CHAT: variants seen among roughly 807,000 people sequenced by gnomAD.
CHAT encodes acetyl CoA:choline O-acetyltransferase.
A neutral mutation model predicts 76.9 loss-of-function variants in CHAT; 61 were observed. That is an observed-to-expected ratio of 0.79 (90% CI 0.65 to 0.98). The LOEUF (loss-of-function observed/expected upper bound fraction) is 0.98, where lower values mean the gene tolerates loss of function less well. Ranked by LOEUF, CHAT falls within the 50% of genes least tolerant of loss-of-function variation. The pLI is 0.00. For synonymous variants in CHAT, 407 were observed against 397.4 expected, an observed-to-expected ratio of 1.02 and a Z score of -0.29; for missense variants, 946 against 986.9, an observed-to-expected ratio of 0.96 and a Z score of 0.56.
rs745804589 is a variant in CHAT at position 49,662,735 on chromosome 10, G to C, written c.1930G>C (p.Asp644His). 6.2e-7 allele frequency: 1 copy of C among 1,614,224 alleles called. No homozygotes were observed. Among genetic ancestry groups the C allele is most frequent in the Admixed American group, 1.7e-5 (1 of 60,022 alleles). Reference protein sequence around the residue: ...MCKELPEMFMDETYLMSNRFV... With the variant: ...MCKELPEMFMHETYLMSNRFV... ...CAAGGAGCTGCCCGAGATGTTCATG[G>C]ATGAAACCTACCTGATGAGCAACCG... The change falls in exon 14 of 15, where the codon GAT becomes CAT. Residue 644 changes from aspartate to histidine, a missense_variant. Around this residue, in one of 3 missense-constraint regions of CHAT, gnomAD observed 349 missense variants for 393.9 expected, o/e 0.89. Coordinates refer to ENST00000337653, the MANE Select transcript of CHAT (RefSeq NM_020549.5).
chr10:49,610,240 G>C (rs1359761621), upstream of CHAT: 3 of 152,532 alleles, frequency 2.0e-5, no homozygotes, highest in Non-Finnish European at 2.9e-5. Context: ...GGCACCACTC[G>C]GGGGCTGGGA....
rs1027609864 is a variant in CHAT, at chr10:49,648,425, C to T, written c.1282-82C>T. On this transcript the variant is annotated intron_variant, in intron 8 of 14. Transcript: ENST00000337653. ...CCTGGAGAAGAGGTGCCCTGAGAAG[C>T]CAGGGGCCTAACCTGGGGCCAAGGG... 26 of 1,003,288 alleles carry T rather than the reference C, an allele frequency of 2.6e-5. No homozygotes were observed. In the African/African-American group the frequency reaches 3.6e-4, roughly 14 times the overall value. 62.1% of individuals were successfully genotyped at this position (1,003,288 alleles called of 1,614,324 possible).
At chr10:49,656,092 T>C (rs1043187809) in intron 13 of CHAT, among the ~76,000 whole-genome samples, 20 of 152,204 alleles carry the variant, frequency 1.3e-4, no homozygotes, top group African/African-American at 4.3e-4. Context: ...TGAAGGATCA[T>C]ATAATCTATG....
intron 7 of CHAT, among the ~76,000 whole-genome samples, chr10:49,632,349 G>C (rs971309254): frequency 1.3e-5 from 2 of 152,162 alleles, no homozygotes; most frequent in Non-Finnish European, 2.9e-5. Context: ...GAGCCCCCAG[G>C]GTGGTTGCCT....
intron 7 of CHAT, among the ~76,000 whole-genome samples, 190 bp from the exon 8 acceptor site, chr10:49,646,315 G>A (rs1277568593): frequency 1.3e-5 from 2 of 152,222 alleles, no homozygotes; most frequent in Non-Finnish European, 1.5e-5. Context: ...TAGGACAGAG[G>A]CTCAGGACAC....
chr10:49,627,422 G>A (rs1409160480), intron 6 of CHAT, among the ~76,000 whole-genome samples, 186 bp from the exon 7 acceptor site: 1 of 152,138 alleles, frequency 6.6e-6, no homozygotes, highest in East Asian at 1.9e-4. Context: ...TTTGATTGGG[G>A]GCAGCGTGGA....
chr10:49,610,427 G>A (rs577399567), upstream of CHAT: 1,404 of 322,294 alleles, frequency 4.4e-3, 13 homozygotes, highest in African/African-American at 0.027. Context: ...GGCGGGGGCT[G>A]CTCTGGGCGC....
At chr10:49,664,713 G>T in intron 14 of CHAT, 64 bp from the exon 15 acceptor site, 1 of 1,605,358 alleles carries the variant, frequency 6.2e-7, no homozygotes. Context: ...GAGAAGCCAA[G>T]CCCAGTCGAG....
intron 12 of CHAT, 40 bp downstream of exon 12, chr10:49,655,276 A>G: frequency 6.2e-7 from 1 of 1,614,028 alleles, no homozygotes; most frequent in Non-Finnish European, 8.5e-7. Context: ...GAAACCAGTG[A>G]GGCTGCTGTG....
At chr10:49,652,264 G>A (rs1839904489) in intron 11 of CHAT, among the ~76,000 whole-genome samples, 1 of 150,534 alleles carries the variant, frequency 6.6e-6, no homozygotes, top group Non-Finnish European at 1.5e-5. Context: ...GGAGTGTAGA[G>A]CTGAGAAGAG....
intron 13 of CHAT, among the ~76,000 whole-genome samples, chr10:49,661,728 T>G (rs1345813723): frequency 6.6e-6 from 1 of 151,938 alleles, no homozygotes; most frequent in African/African-American, 2.4e-5. Context: ...CCCCTGAGTC[T>G]CCATCAGCCC....
chr10:49,649,925 C>T (rs1839820528), intron 10 of CHAT, among the ~76,000 whole-genome samples: 3 of 131,214 alleles, frequency 2.3e-5, no homozygotes, highest in Non-Finnish European at 3.2e-5. Context: ...GAGTCAAGGC[C>T]GGGAAATCAT....
chr10:49,611,329 A>T (rs762665405), upstream of CHAT: 1 of 1,603,624 alleles, frequency 6.2e-7, no homozygotes, highest in South Asian at 1.1e-5. Context: ...CACGTCTGGC[A>T]TAGCCATGAT....
In CHAT at chr10:49,614,268, G is replaced by T. The variant is rs1472465387; in HGVS notation, c.79G>T (p.Gly27Ter). The T allele has an allele frequency of 6.5e-7, 1 of 1,548,498 alleles. No homozygotes were observed. Among genetic ancestry groups the T allele is most frequent in the African/African-American group, 1.4e-5 (1 of 72,962 alleles). The change falls in exon 1 of 15, where the codon GGA becomes TGA. Residue 27 changes from glycine to a stop codon, truncating the protein, a stop_gained. Transcript: ENST00000337653. LOFTEE classifies it high-confidence loss of function. ...WKREEGGGTRGRREVRPACFL... is the reference protein window; with the variant it reads ...WKREEGGGTR Reference sequence around the variant, plus strand: ...GAGAGAGGAGGGAGGAGGTACAAGAGGAAGGAGAGAAGTGCGGCCAGCTTG... The same window carrying T: ...GAGAGAGGAGGGAGGAGGTACAAGATGAAGGAGAGAAGTGCGGCCAGCTTG...
intron 5 of CHAT, 80 bp from the exon 6 acceptor site, chr10:49,625,393 A>T: frequency 7.3e-7 from 1 of 1,365,090 alleles, no homozygotes; most frequent in African/African-American, 1.4e-5. Flanking sequence ...TGATCAAGTT[A>T]CAATAAAACC....
upstream of CHAT, chr10:49,611,552 G>C (rs1403471491): frequency 1.9e-6 from 3 of 1,604,522 alleles, no homozygotes; most frequent in South Asian, 1.1e-5. Flanking sequence ...GCGGCTGCAC[G>C]GGCTCGGGCC....
chr10:49,648,141 C>G (rs1231595662), intron 8 of CHAT: 1 of 349,428 alleles, frequency 2.9e-6, no homozygotes, highest in Non-Finnish European at 5.4e-6. Flanking sequence ...TGGGAGGAGA[C>G]CCCGATGTGA....
rs121912816 is a variant in CHAT at position 49,648,546 on chromosome 10, G to A, written c.1321G>A (p.Glu441Lys). Residue 441 changes from glutamate to lysine, a missense_variant, in exon 9 of 15, where the codon GAA becomes AAA. By Grantham distance (56) the Glu-to-Lys change is moderately conservative. Coordinates refer to ENST00000337653, the MANE Select transcript of CHAT (RefSeq NM_020549.5). ...GRDGTCGVVC[E>K]HSPFDGIVLV... The stretch of plus-strand genomic sequence containing the variant: ...AGACGGCACCTGCGGTGTGGTGTGC[G>A]AACACTCCCCATTCGATGGCATCGT... 9 of 1,613,860 alleles carry A rather than the reference G, an allele frequency of 5.6e-6. No individual in the cohort carries two copies. The highest frequency in any genetic ancestry group is 2.2e-5 in the East Asian group (1 of 44,886).
intron 7 of CHAT, among the ~76,000 whole-genome samples, chr10:49,632,624 A>G (rs943873048): frequency 6.6e-6 from 1 of 152,174 alleles, no homozygotes; most frequent in Non-Finnish European, 1.5e-5. Context: ...GACTGCGCTC[A>G]GATGAAACAC....
Sources: allele counts gnomAD v4.1 joint callset (sites outside exome capture counted in the v4.1 genomes callset), GRCh38; gene constraint gnomAD v4.1.1; regional missense constraint gnomAD v4.1.1; transcripts MANE v1.5; gene names NCBI Gene and HGNC (gene_info 2026-07-23, HGNC 2026-07-21).